HABP2: variants seen among roughly 807,000 people sequenced by gnomAD.
HABP2 encodes hyaluronan binding protein 2, also known as factor VII-activating protease.
In HABP2, 65 loss-of-function variants were observed where a neutral mutation model predicts 66.5. The observed-to-expected ratio is 0.98, with a 90% CI of 0.80 to 1.20. The LOEUF (loss-of-function observed/expected upper bound fraction) is 1.20, where lower values mean the gene tolerates loss of function less well. HABP2 is among the 50% of genes most tolerant of loss of function. The probability of loss-of-function intolerance (pLI) is 0.00; values close to 1 mark genes in which losing one functional copy is unlikely to be tolerated. For synonymous variants in HABP2, 263 were observed against 253.9 expected (o/e 1.04, Z -0.34); for missense variants, 786 against 691.0 (o/e 1.14, Z -1.54).
At chr10:113,558,501 A>AC (rs1306033391) in intron 1 of HABP2, among the ~76,000 whole-genome samples, 2 of 152,094 alleles carry the variant, frequency 1.3e-5, no homozygotes, top group African/African-American at 2.4e-5. Context: ...AGACACCAGC[A>AC]CCCGCCAGTC....
At position 113,589,002 on chromosome 10, in the gene HABP2, G is replaced by A; in HGVS notation, c.*633G>A. On this transcript the variant is annotated 3_prime_UTR_variant, in exon 13 of 13. Coordinates refer to ENST00000351270, the MANE Select transcript of HABP2 (RefSeq NM_004132.5). The stretch of plus-strand genomic sequence containing the variant: ...ACAACAGCAGGGCCTTCTTCTTTTT[G>A]ACGTGCAGAATCTCAGTGGCATCTG... 10 of 1,613,830 alleles carry A rather than the reference G, an allele frequency of 6.2e-6. No individual in the cohort carries two copies. Among genetic ancestry groups the A allele is most frequent in the Non-Finnish European group, 7.6e-6 (9 of 1,179,876 alleles).
chr10:113,552,493 T>C (rs957553073), upstream of HABP2, among the ~76,000 whole-genome samples: 2 of 152,044 alleles, frequency 1.3e-5, no homozygotes, highest in African/African-American at 4.8e-5. Flanking sequence ...GGGGAAAAAA[T>C]AATTAAAAAG....
intron 2 of HABP2, among the ~76,000 whole-genome samples, chr10:113,569,217 C>A (rs1845257572): frequency 6.6e-6 from 1 of 152,136 alleles, no homozygotes; most frequent in Non-Finnish European, 1.5e-5. Flanking sequence ...TTTAATTTAA[C>A]CCTCAAGAAA....
intron 1 of HABP2, among the ~76,000 whole-genome samples, chr10:113,565,010 C>CT (rs202190440): frequency 0.12 from 17,328 of 150,612 alleles, 1,125 homozygotes; most frequent in African/African-American, 0.19. Context: ...CCACATCCAG[C>CT]TAATTTTTTG....
intron 2 of HABP2, among the ~76,000 whole-genome samples, chr10:113,568,122 C>G (rs568894078): frequency 6.6e-6 from 1 of 152,232 alleles, no homozygotes; most frequent in Non-Finnish European, 1.5e-5. Flanking sequence ...CCTGTGTCCT[C>G]GGCCTTGTGC....
chr10:113,568,512 G>A (rs1845241937), intron 2 of HABP2, among the ~76,000 whole-genome samples: 1 of 152,192 alleles, frequency 6.6e-6, no homozygotes, highest in South Asian at 2.1e-4. Context: ...GGATATTTGT[G>A]GAGTTGAAGA....
chr10:113,571,405 C>T (rs140411944), intron 2 of HABP2, among the ~76,000 whole-genome samples: 3 of 152,134 alleles, frequency 2.0e-5, no homozygotes, highest in East Asian at 3.9e-4. Flanking sequence ...TCATGTGGGT[C>T]CAGGAGTGGG....
chr10:113,553,053 C>T lies in HABP2; in HGVS notation c.-69C>T, dbSNP rs1844924750. Reference sequence around the variant, plus strand: ...TGAATCCTTGGAGACTGACATTTTTCCCCCCTAAAGGCATAGACAACAAAA... The same window carrying T: ...TGAATCCTTGGAGACTGACATTTTTTCCCCCTAAAGGCATAGACAACAAAA... On this transcript the variant is annotated 5_prime_UTR_variant, in exon 1 of 13. Transcript: ENST00000351270. The T allele has an allele frequency of 3.6e-6, 4 of 1,103,418 alleles. No individual in the cohort carries two copies. The highest frequency in any genetic ancestry group is 2.4e-5 in the East Asian group (1 of 42,222). The allele number at this position is 1,103,418 out of a possible 1,614,324, so 68.4% of individuals were successfully genotyped here. A position where few individuals can be genotyped will look rare whatever the true frequency, so the allele number is the denominator to read the frequency against.
chr10:113,570,822 T>G (rs997033916), intron 2 of HABP2, among the ~76,000 whole-genome samples: 21 of 152,152 alleles, frequency 1.4e-4, no homozygotes, highest in African/African-American at 4.8e-4. Context: ...ATCACATACA[T>G]TAACTACAGG....
intron 3 of HABP2, among the ~76,000 whole-genome samples, chr10:113,575,159 A>G (rs1845386519): frequency 6.6e-6 from 1 of 152,210 alleles, no homozygotes; most frequent in Non-Finnish European, 1.5e-5. Flanking sequence ...GCCAAGATAC[A>G]GGGCATGGGG....
chr10:113,551,998 G>A (rs1458269396), upstream of HABP2, among the ~76,000 whole-genome samples: 1 of 152,128 alleles, frequency 6.6e-6, no homozygotes, highest in Non-Finnish European at 1.5e-5. Context: ...TAAAATGGCA[G>A]GACCAGGACT....
intron 2 of HABP2, among the ~76,000 whole-genome samples, chr10:113,569,444 C>T (rs976064153): frequency 4.6e-5 from 7 of 152,222 alleles, no homozygotes; most frequent in Non-Finnish European, 7.3e-5. Flanking sequence ...TTTGTCAGCT[C>T]CCTGCTGGCT....
chr10:113,564,828 C>CTAAA (rs11575648), intron 1 of HABP2, among the ~76,000 whole-genome samples: 48,834 of 151,056 alleles, frequency 0.32, 9,203 homozygotes, highest in East Asian at 0.51. Flanking sequence ...AGACATCACT[C>CTAAA]TACCTCACCA....
At chr10:113,584,063 GC>G in intron 10 of HABP2, 84 bp from the exon 11 acceptor site, 1 of 1,207,296 alleles carries the variant, frequency 8.3e-7, no homozygotes, top group East Asian at 2.4e-5. Context: ...CTTTGCTGTG[GC>G]CACCTTCATG....
chr10:113,581,725 T>C, intron 8 of HABP2, 151 bp from the exon 9 acceptor site: 2 of 712,976 alleles, frequency 2.8e-6, no homozygotes, highest in Non-Finnish European at 4.9e-6. Flanking sequence ...ACTGTGCACC[T>C]ACTGCATGCC....
chr10:113,580,841 ACTGT>A, intron 8 of HABP2, 149 bp downstream of exon 8: 1 of 587,972 alleles, frequency 1.7e-6, no homozygotes, highest in Non-Finnish European at 3.0e-6. Context: ...CAACTGCCCA[ACTGT>A]CTGCACCCAC....
At chr10:113,584,114 A>G in intron 10 of HABP2, 34 bp from the exon 11 acceptor site, 1 of 1,606,546 alleles carries the variant, frequency 6.2e-7, no homozygotes, top group Non-Finnish European at 8.5e-7. Flanking sequence ...AAGAGGTGAC[A>G]TCGCATCCAT....
At chr10:113,578,201 C>G in intron 6 of HABP2, 56 bp downstream of exon 6, 3 of 1,582,952 alleles carry the variant, frequency 1.9e-6, no homozygotes, top group East Asian at 2.2e-5. Context: ...ACCCTTTCCT[C>G]TCTGGGTTTT....
rs1422269528 is a variant in HABP2 at position 113,589,296 on chromosome 10, C to G, written c.*927C>G. On this transcript the variant is annotated 3_prime_UTR_variant, in exon 13 of 13. Coordinates refer to ENST00000351270, the MANE Select transcript of HABP2 (RefSeq NM_004132.5). ...CTCATTTAGACCTGGCTTCTTTCTT[C>G]TGAACAAAGTAGGGTTCAAAATGCA... is the stretch of plus-strand genomic sequence containing the variant. 1 of 584,120 alleles carries G rather than the reference C, an allele frequency of 1.7e-6. No homozygotes were observed. The highest frequency in any genetic ancestry group is 3.2e-5 in the Admixed American group (1 of 31,714). 36.2% of individuals were successfully genotyped at this position (584,120 alleles called of 1,614,324 possible).
Sources: allele counts gnomAD v4.1 joint callset (sites outside exome capture counted in the v4.1 genomes callset), GRCh38; gene constraint gnomAD v4.1.1; transcripts MANE v1.5; gene names NCBI Gene and HGNC (gene_info 2026-07-23, HGNC 2026-07-21).